The following RGS6 variants were observed in gnomAD, a reference collection of about 807,000 sequenced individuals.
The protein encoded by RGS6 is regulator of G-protein signaling 6.
RGS6 carries 30 observed loss-of-function variants against 78.5 expected under a neutral mutation model. The ratio of observed to expected loss-of-function variants is 0.38; its 90% CI spans 0.29 to 0.52. RGS6 has a LOEUF of 0.52. Ranked by LOEUF, RGS6 falls within the 20% of genes least tolerant of loss-of-function variation. RGS6 has a pLI of 0.85. For synonymous variants in RGS6, 206 were observed against 206.0 expected, an observed-to-expected ratio of 1.00 and a Z score of 0.00; for missense variants, 495 against 609.7, an observed-to-expected ratio of 0.81 and a Z score of 1.98.
At chr14:71,904,586 A>G in the RGS6 span, among the ~76,000 whole-genome samples, 2 of 152,272 alleles carry the variant, frequency 1.3e-5, no homozygotes, top group African/African-American at 4.8e-5. Context: ...TCTGAGTTCC[A>G]TGGAGACCAG....
intron 13 of RGS6, among the ~76,000 whole-genome samples, chr14:72,501,751 G>A (rs1391599438): frequency 6.6e-6 from 1 of 152,302 alleles, no homozygotes; most frequent in Admixed American, 6.5e-5. Flanking sequence ...TTTGTGATTT[G>A]CTCTCTCCGC....
At chr14:72,264,742 C>T (rs1177302748) in intron 2 of RGS6, among the ~76,000 whole-genome samples, 1 of 152,222 alleles carries the variant, frequency 6.6e-6, no homozygotes, top group Non-Finnish European at 1.5e-5. Flanking sequence ...TTCAAGTTTG[C>T]AATCCTGGGT....
chr14:72,332,759 C>G (rs1450505183), intron 2 of RGS6, among the ~76,000 whole-genome samples: 4 of 152,298 alleles, frequency 2.6e-5, no homozygotes, highest in Admixed American at 6.5e-5. Flanking sequence ...GGGGCTGTGG[C>G]AAGAGATGGA....
chr14:72,623,928 G>GT, the RGS6 span, among the ~76,000 whole-genome samples: 1,031 of 152,224 alleles, frequency 6.8e-3, 12 homozygotes, highest in African/African-American at 0.024. Flanking sequence ...ATATTACAAA[G>GT]TAAGGAAGCT....
chr14:72,349,235 G>T (rs1186528586), intron 2 of RGS6, among the ~76,000 whole-genome samples: 2 of 152,200 alleles, frequency 1.3e-5, no homozygotes, highest in East Asian at 1.9e-4. Flanking sequence ...GGCCAGCTTA[G>T]GTTTGGCTGA....
chr14:72,288,527 A>G (rs1184812469), intron 2 of RGS6, among the ~76,000 whole-genome samples: 1 of 152,192 alleles, frequency 6.6e-6, no homozygotes, highest in Non-Finnish European at 1.5e-5. Flanking sequence ...AGTCTGTCAG[A>G]GTTTGCCAGG....
Position 72,209,824 on chromosome 14 carries a change from A to T in RGS6, c.85-142271A>T, listed in dbSNP as rs554399991. On this transcript the variant is annotated intron_variant, in intron 2 of 17. Coordinates refer to ENST00000553525, the MANE Select transcript of RGS6 (RefSeq NM_001204424.2). ...GTATTGTTTTAGGTTAGTTTCTCAG[A>T]GCATAAGAATGAAGACTGTAGTATG... 7.2e-5 allele frequency among the ~76,000 whole-genome samples: 11 copies of T among 152,356 alleles called. No individual in the cohort carries two copies. In the East Asian group the frequency reaches 1.9e-3, roughly 27 times the overall value.
chr14:72,063,976 G>A (rs1381504101), intron 2 of RGS6, among the ~76,000 whole-genome samples: 1 of 152,080 alleles, frequency 6.6e-6, no homozygotes, highest in Non-Finnish European at 1.5e-5. Flanking sequence ...TATCTTTAAA[G>A]CAAAATCAGC....
intron 2 of RGS6, among the ~76,000 whole-genome samples, chr14:72,350,798 C>T (rs2078977216): frequency 6.6e-6 from 1 of 151,996 alleles, no homozygotes; most frequent in Non-Finnish European, 1.5e-5. Context: ...ATCTTTGTTT[C>T]TTTATGTGAA....
chr14:71,988,132 A>G (rs188321756), intron 2 of RGS6, among the ~76,000 whole-genome samples: 1 of 152,318 alleles, frequency 6.6e-6, no homozygotes, highest in Non-Finnish European at 1.5e-5. Context: ...CCTGGGCGCT[A>G]ATGTGACTCA....
At chr14:72,339,792 G>C (rs1407139964) in intron 2 of RGS6, among the ~76,000 whole-genome samples, 1 of 152,122 alleles carries the variant, frequency 6.6e-6, no homozygotes. Flanking sequence ...AGCAGGAAAG[G>C]CATGAGACAT....
chr14:72,160,463 C>T (rs1429579767), intron 2 of RGS6, among the ~76,000 whole-genome samples: 2 of 152,142 alleles, frequency 1.3e-5, no homozygotes, highest in South Asian at 2.1e-4. Context: ...AAAACTCAGT[C>T]CCATTGGTGA....
intron 2 of RGS6, among the ~76,000 whole-genome samples, chr14:72,210,712 C>G (rs112788745): frequency 6.6e-6 from 1 of 152,114 alleles, no homozygotes; most frequent in Non-Finnish European, 1.5e-5. Flanking sequence ...TCTGCTTTTT[C>G]CTTTCTCCAC....
At chr14:72,141,939 C>G (rs2153613824) in intron 2 of RGS6, among the ~76,000 whole-genome samples, 1 of 151,006 alleles carries the variant, frequency 6.6e-6, no homozygotes, top group East Asian at 2.0e-4. Flanking sequence ...GTGCTGGATT[C>G]TTGATAAATG....
At chr14:72,054,125 C>T (rs530637905) in intron 2 of RGS6, among the ~76,000 whole-genome samples, 1 of 152,264 alleles carries the variant, frequency 6.6e-6, no homozygotes, top group South Asian at 2.1e-4. Context: ...GACTGATACA[C>T]CCATCATACT....
At chr14:72,115,822 A>G (rs146157901) in intron 2 of RGS6, among the ~76,000 whole-genome samples, 11 of 152,340 alleles carry the variant, frequency 7.2e-5, no homozygotes, top group South Asian at 2.1e-4. Flanking sequence ...TTGACTTGCT[A>G]TAAGTCAACC....
intron 17 of RGS6, among the ~76,000 whole-genome samples, chr14:72,554,950 G>A (rs1253222630): frequency 6.6e-6 from 1 of 152,182 alleles, no homozygotes; most frequent in Non-Finnish European, 1.5e-5. Context: ...ACAGCTGGGG[G>A]GCCATGGAGA....
At chr14:72,589,125 A>G in the RGS6 span, among the ~76,000 whole-genome samples, 3 of 152,236 alleles carry the variant, frequency 2.0e-5, no homozygotes, top group African/African-American at 7.2e-5. Flanking sequence ...AATTTAAGAA[A>G]TACAGTTTAA....
chr14:71,891,451 C>G, the RGS6 span, among the ~76,000 whole-genome samples: 2 of 152,232 alleles, frequency 1.3e-5, no homozygotes, highest in African/African-American at 4.8e-5. Context: ...GCCTCTCCAG[C>G]AGGGTGGTCT....
Sources: allele counts gnomAD v4.1 joint callset (sites outside exome capture counted in the v4.1 genomes callset), GRCh38; gene constraint gnomAD v4.1.1; transcripts MANE v1.5; gene names NCBI Gene and HGNC (gene_info 2026-07-23, HGNC 2026-07-21).